PACC1: variants seen among roughly 807,000 people sequenced by gnomAD.
PACC1 encodes proton-activated chloride channel.
A neutral mutation model predicts 39.7 loss-of-function variants in PACC1; 34 were observed. The ratio of observed to expected loss-of-function variants is 0.86; its 90% CI spans 0.65 to 1.14. The LOEUF (loss-of-function observed/expected upper bound fraction) is 1.14, where lower values mean the gene tolerates loss of function less well. PACC1 is among the 50% of genes most tolerant of loss of function. The probability of loss-of-function intolerance (pLI) is 0.00; values close to 1 mark genes in which losing one functional copy is unlikely to be tolerated. For synonymous variants in PACC1, 127 were observed against 160.6 expected (o/e 0.79, Z 1.58); for missense variants, 379 against 436.4 (o/e 0.87, Z 1.17).
At position 212,393,869 on chromosome 1, in the gene PACC1, CT is replaced by C. The variant is rs576552942; in HGVS notation, c.134-6770del. On this transcript the variant is annotated intron_variant, in intron 2 of 7. Coordinates refer to ENST00000261455, the MANE Select transcript of PACC1 (RefSeq NM_018252.3). ...GGATAAATTCCTCGACACATACACC[CT>C]CCCAAGACTAAACCAGGAAGAAGTT... Among the ~76,000 whole-genome samples the C allele has an allele frequency of 2.3e-3, 351 of 152,148 alleles. 2 individuals carry two copies. Among genetic ancestry groups the C allele is most frequent in the African/African-American group, 8.0e-3 (333 of 41,500 alleles).
At chr1:212,410,330 G>T in intron 2 of PACC1, 95 bp downstream of exon 2, 2 of 1,095,370 alleles carry the variant, frequency 1.8e-6, no homozygotes, top group South Asian at 1.2e-5. Context: ...CCAGGGTGCA[G>T]GGAAGGGGGC....
chr1:212,404,296 C>T (rs1017923376), intron 2 of PACC1, among the ~76,000 whole-genome samples: 11 of 151,676 alleles, frequency 7.3e-5, no homozygotes, highest in East Asian at 2.0e-4. Flanking sequence ...TTAGTAGAGA[C>T]GGGGTTTCAT....
At chr1:212,365,581 C>T (rs12138533) in intron 7 of PACC1, among the ~76,000 whole-genome samples, 23,381 of 151,936 alleles carry the variant, frequency 0.15, 2,465 homozygotes, top group East Asian at 0.36. Context: ...CAGGAACCTG[C>T]CACCACACCT....
At chr1:212,382,488 G>C (rs1393137325) in intron 4 of PACC1, among the ~76,000 whole-genome samples, 1 of 152,074 alleles carries the variant, frequency 6.6e-6, no homozygotes, top group African/African-American at 2.4e-5. Context: ...CAGAGCATTT[G>C]GTAAAAAATA....
chr1:212,369,291 CAGTA>C (rs1237914148), intron 7 of PACC1, among the ~76,000 whole-genome samples: 9 of 151,916 alleles, frequency 5.9e-5, no homozygotes, highest in Admixed American at 5.9e-4. Context: ...TCCACAAAGA[CAGTA>C]AGAAGAATGA....
At chr1:212,370,533 A>T (rs1351039929) in intron 7 of PACC1, among the ~76,000 whole-genome samples, 1 of 152,248 alleles carries the variant, frequency 6.6e-6, no homozygotes, top group East Asian at 1.9e-4. Flanking sequence ...TCCAGGGGAG[A>T]CCATATGTTG....
intron 7 of PACC1, among the ~76,000 whole-genome samples, chr1:212,371,199 C>T (rs1020500510): frequency 3.6e-5 from 5 of 140,526 alleles, no homozygotes; most frequent in African/African-American, 1.4e-4. Context: ...GAGCCAAGAT[C>T]GCAACTGCAC....
chr1:212,369,184 A>G (rs1277749835), intron 7 of PACC1, among the ~76,000 whole-genome samples: 2 of 152,208 alleles, frequency 1.3e-5, no homozygotes, highest in South Asian at 2.1e-4. Context: ...TTTAACTGCA[A>G]GATGTTTTTT....
chr1:212,372,781 A>T (rs1313038082), intron 7 of PACC1, among the ~76,000 whole-genome samples: 3 of 152,186 alleles, frequency 2.0e-5, no homozygotes, highest in Non-Finnish European at 2.9e-5. Flanking sequence ...AAAAATATAA[A>T]ATACCTAGGA....
chr1:212,392,863 A>C (rs1571662124), intron 2 of PACC1, among the ~76,000 whole-genome samples: 1 of 151,710 alleles, frequency 6.6e-6, no homozygotes, highest in South Asian at 2.1e-4. Context: ...TGGTAAAGGG[A>C]TCAATTCAAC....
intron 5 of PACC1, among the ~76,000 whole-genome samples, chr1:212,378,876 G>A (rs781344755): frequency 2.8e-4 from 43 of 151,958 alleles, no homozygotes; most frequent in Non-Finnish European, 4.9e-4. Flanking sequence ...ACATGAAGGC[G>A]ATGAGGATGA....
rs774059933 is a variant in PACC1, at chr1:212,413,871, A to T, written c.36+851T>A. Reference sequence around the variant, plus strand: ...CGCACTCAGAGGTTACAGCAAACACAGGGACACAAACTGGAGGAGGACCGA... The same window carrying T: ...CGCACTCAGAGGTTACAGCAAACACTGGGACACAAACTGGAGGAGGACCGA... On this transcript the variant is annotated intron_variant, in intron 1 of 7. Transcript: ENST00000261455. 3.9e-6 allele frequency: 6 copies of T among 1,523,364 alleles called. No individual in the cohort carries two copies. The South Asian group carries it at 7.3e-5, about 19-fold the overall frequency. 94.4% of individuals were successfully genotyped at this position (1,523,364 alleles called of 1,614,324 possible).
chr1:212,397,117 T>C (rs1355909066), intron 2 of PACC1, among the ~76,000 whole-genome samples: 2 of 152,012 alleles, frequency 1.3e-5, no homozygotes, highest in African/African-American at 2.4e-5. Flanking sequence ...CACTAGATGG[T>C]AACTCTCAGA....
intron 2 of PACC1, among the ~76,000 whole-genome samples, chr1:212,402,357 T>C (rs972171843): frequency 6.6e-6 from 1 of 152,218 alleles, no homozygotes; most frequent in African/African-American, 2.4e-5. Flanking sequence ...ATAACCATCC[T>C]AGTGGGTGTG....
At position 212,385,283 on chromosome 1, in the gene PACC1, A is replaced by C. The variant is rs769494423; in HGVS notation, c.486T>G (p.Asn162Lys). 1 of 1,613,948 alleles carries C rather than the reference A, an allele frequency of 6.2e-7. No homozygotes were observed. Among genetic ancestry groups the C allele is most frequent in the East Asian group, 2.2e-5 (1 of 44,868 alleles). Residue 162 changes from asparagine (N) to lysine (K), a missense_variant, in exon 4 of 8, where the codon AAT becomes AAG. By Grantham distance (94) the Asn-to-Lys change is moderately conservative. Transcript: ENST00000261455. ...GGCAGACAGGAATTACCACAGTCTGATTGGAGAAGGGGTCCGTGTAGTTGA... is the reference window on the plus strand; with the variant it reads ...GGCAGACAGGAATTACCACAGTCTGCTTGGAGAAGGGGTCCGTGTAGTTGA... Reference protein sequence around the residue: ...QRINYTDPFSNQTVKSALIVQ... With the variant: ...QRINYTDPFSKQTVKSALIVQ...
intron 4 of PACC1, among the ~76,000 whole-genome samples, chr1:212,381,912 G>A (rs911465259): frequency 6.6e-6 from 1 of 152,242 alleles, no homozygotes; most frequent in African/African-American, 2.4e-5. Flanking sequence ...TGCATGCCAG[G>A]ACTGTTCTCA....
intron 7 of PACC1, among the ~76,000 whole-genome samples, chr1:212,370,403 A>G (rs1660404913): frequency 6.6e-6 from 1 of 152,222 alleles, no homozygotes; most frequent in South Asian, 2.1e-4. Context: ...CGGGAGGCAG[A>G]GCTTGCAGTG....
Position 212,394,515 on chromosome 1 carries a change from A to C in PACC1, c.134-7415T>G, listed in dbSNP as rs549480405. Among the ~76,000 whole-genome samples, 533 of 152,328 alleles carry C rather than the reference A, an allele frequency of 3.5e-3. 3 individuals carry two copies. Among genetic ancestry groups the C allele is most frequent in the African/African-American group, 0.012 (511 of 41,582 alleles). ...GCAAAAACTGGAAGCATTCCCTTTG[A>C]AAACTGGCACAAGACAGGGATGCCC... is the stretch of plus-strand genomic sequence containing the variant. On this transcript the variant is annotated intron_variant, in intron 2 of 7. Coordinates refer to ENST00000261455, the MANE Select transcript of PACC1 (RefSeq NM_018252.3).
At chr1:212,410,369 C>G in intron 2 of PACC1, 56 bp downstream of exon 2, 4 of 1,546,996 alleles carry the variant, frequency 2.6e-6, no homozygotes, top group Non-Finnish European at 3.6e-6. Context: ...GGCAAGGCGC[C>G]TAGACTGGGG....
Sources: gnomAD v4.1 joint callset for allele counts (sites outside exome capture counted in the v4.1 genomes callset) on GRCh38, gnomAD v4.1.1 for gene constraint, MANE v1.5 for transcripts, NCBI Gene and HGNC (gene_info 2026-07-23, HGNC 2026-07-21) for gene names.